IMMT: variants seen among roughly 807,000 people sequenced by gnomAD.
IMMT encodes MICOS complex subunit MIC60.
A neutral mutation model predicts 92.7 loss-of-function variants in IMMT; 40 were observed. The observed-to-expected ratio is 0.43, with a 90% confidence interval of 0.34 to 0.56. The LOEUF is 0.56. IMMT is among the 20% of genes least tolerant of loss of function. The probability of loss-of-function intolerance (pLI) is 0.03; values close to 1 mark genes in which losing one functional copy is unlikely to be tolerated. For missense variants in IMMT, 831 were observed against 912.1 expected, an observed-to-expected ratio of 0.91 and a Z score of 1.14; for synonymous variants, 322 against 336.1, an observed-to-expected ratio of 0.96 and a Z score of 0.46.
chr2:86,156,773 T>A (rs1287068411), intron 10 of IMMT, among the ~76,000 whole-genome samples: 1 of 151,988 alleles, frequency 6.6e-6, no homozygotes, highest in East Asian at 1.9e-4. Flanking sequence ...ACAAATAAAA[T>A]TTGTCCTGCC....
Position 86,144,229 on chromosome 2 carries a change from T to C in IMMT, c.*39A>G, listed in dbSNP as rs1258214307. On this transcript the variant is annotated 3_prime_UTR_variant, in exon 15 of 15. Transcript: ENST00000410111. ...CTTCATCTATCACTGCTGATTTCCT[T>C]TGACATGAAATATGACTTTATGAAA... is the stretch of plus-strand genomic sequence containing the variant. The C allele has an allele frequency of 1.2e-6, 2 of 1,605,422 alleles. No individual in the cohort carries two copies. The highest frequency in any genetic ancestry group is 2.7e-5 in the African/African-American group (2 of 74,684).
chr2:86,156,449 C>G (rs1198536234), intron 10 of IMMT, among the ~76,000 whole-genome samples: 1 of 151,988 alleles, frequency 6.6e-6, no homozygotes, highest in Non-Finnish European at 1.5e-5. Flanking sequence ...AAAAAATTAG[C>G]TGGGTGTGGT....
intron 1 of IMMT, 27 bp downstream of exon 1, chr2:86,195,311 C>CG (rs1372464931): frequency 2.4e-5 from 36 of 1,530,136 alleles, no homozygotes; most frequent in Non-Finnish European, 3.0e-5. Flanking sequence ...AGCCTCCTCA[C>CG]GCGCCTCCGG....
At chr2:86,146,645 G>A (rs1206510557) in intron 13 of IMMT, among the ~76,000 whole-genome samples, 1 of 151,984 alleles carries the variant, frequency 6.6e-6, no homozygotes, top group Non-Finnish European at 1.5e-5. Flanking sequence ...TTACAGGCGT[G>A]AGCCACCGTG....
At chr2:86,181,876 A>G (rs1277757746) in intron 1 of IMMT, among the ~76,000 whole-genome samples, 2 of 152,112 alleles carry the variant, frequency 1.3e-5, no homozygotes, top group African/African-American at 4.8e-5. Flanking sequence ...CAGCTGGTCA[A>G]CTCCTAGAGG....
intron 14 of IMMT, 47 bp downstream of exon 14, chr2:86,146,021 T>G: frequency 7.1e-7 from 1 of 1,409,426 alleles, no homozygotes. Flanking sequence ...TTTTGATAAA[T>G]TATGCTGAGG....
chr2:86,154,176 CTT>C (rs564650860), intron 10 of IMMT, among the ~76,000 whole-genome samples: 3 of 136,092 alleles, frequency 2.2e-5, no homozygotes, highest in African/African-American at 5.5e-5. Flanking sequence ...CTAAACATTT[CTT>C]TTTTTTTTTT....
At chr2:86,176,380 G>A (rs1677427830) in intron 3 of IMMT, among the ~76,000 whole-genome samples, 1 of 152,206 alleles carries the variant, frequency 6.6e-6, no homozygotes, top group Admixed American at 6.5e-5. Context: ...ATTCTGTTAG[G>A]AGGAGAGATC....
At chr2:86,148,528 C>T (rs537148219) in intron 12 of IMMT, among the ~76,000 whole-genome samples, 91 of 152,238 alleles carry the variant, frequency 6.0e-4, no homozygotes, top group Middle Eastern at 3.4e-3. Flanking sequence ...AGGAGAATGG[C>T]GTGAACCGAG....
At position 86,162,021 on chromosome 2, in the gene IMMT, C is replaced by T. The variant is rs200201554; in HGVS notation, c.851G>A (p.Arg284His). 4.0e-5 allele frequency: 64 copies of T among 1,607,028 alleles called. No homozygotes were observed. Among genetic ancestry groups the T allele is most frequent in the Non-Finnish European group, 4.8e-5 (57 of 1,176,748 alleles). Residue 284 changes from arginine to histidine, a missense_variant, in exon 8 of 15, where the codon CGC becomes CAC. Coordinates refer to ENST00000410111, the MANE Select transcript of IMMT (RefSeq NM_006839.3). The part of the protein sequence containing the change: ...WRTVEGALKE[R>H]RKAVDEAADA... The stretch of plus-strand genomic sequence containing the variant: ...GGCAGCTTCATCTACTGCCTTTCTG[C>T]GTTCCTTCAATGCACCCTCCACTGT...
At chr2:86,187,819 G>A (rs921856106) in intron 1 of IMMT, among the ~76,000 whole-genome samples, 2 of 151,712 alleles carry the variant, frequency 1.3e-5, no homozygotes, top group Non-Finnish European at 2.9e-5. Flanking sequence ...GGCTGAAGCA[G>A]GAGAATCCCT....
chr2:86,154,889 G>C (rs535602696), intron 10 of IMMT, among the ~76,000 whole-genome samples: 1 of 151,532 alleles, frequency 6.6e-6, no homozygotes, highest in African/African-American at 2.4e-5. Flanking sequence ...TTTTTGAGAC[G>C]GAGTCTCCCG....
chr2:86,144,618 G>A lies in IMMT; in HGVS notation c.1927C>T (p.Arg643Ter), dbSNP rs780979464. The change falls in exon 15 of 15, where the codon CGA (arginine) becomes TGA (stop). Residue 643 changes from arginine (R) to a stop codon, truncating the protein, a stop_gained. Transcript: ENST00000410111. LOFTEE classifies it high-confidence loss of function. ...ARFYAVQKLA[R>*]RVAMIDETRN... ...GTTTCATCAATCATTGCTACCCTTC[G>A]GGCCAGTTTTTGAACAGCATAGAAA... The A allele has an allele frequency of 2.5e-6, 4 of 1,613,940 alleles. No homozygotes were observed. The highest frequency in any genetic ancestry group is 3.3e-5 in the Admixed American group (2 of 60,020).
In IMMT at chr2:86,171,859, T is replaced by C. The variant is rs1558829845; in HGVS notation, c.422-514A>G. 5.3e-5 allele frequency among the ~76,000 whole-genome samples: 6 copies of C among 113,620 alleles called. No homozygotes were observed. In the South Asian group the frequency reaches 8.0e-4, roughly 15 times the overall value. The allele number at this position is 113,620 out of a possible 152,430, so 74.5% of individuals were successfully genotyped here. A position where few individuals can be genotyped will look rare whatever the true frequency, so the allele number is the denominator to read the frequency against. On this transcript the variant is annotated intron_variant, in intron 4 of 14. Coordinates refer to ENST00000410111, the MANE Select transcript of IMMT (RefSeq NM_006839.3). ...CTGAGTTAAAATACATATATATATA[T>C]ATATTTTTTGCACACTTTGGGAGGC...
intron 11 of IMMT, among the ~76,000 whole-genome samples, chr2:86,152,452 AAAAAAAG>A (rs1675528996): frequency 1.3e-5 from 2 of 151,048 alleles, no homozygotes; most frequent in Non-Finnish European, 3.0e-5. Flanking sequence ...AAAAAAAAAA[AAAAAAAG>A]AGAGAATTAT....
chr2:86,190,745 T>A (rs1673062791), intron 1 of IMMT, among the ~76,000 whole-genome samples: 1 of 152,204 alleles, frequency 6.6e-6, no homozygotes. Context: ...ATCCCAGCAC[T>A]TTGGGAGCCC....
chr2:86,172,382 C>A (rs1431376894), intron 4 of IMMT, among the ~76,000 whole-genome samples: 1 of 151,836 alleles, frequency 6.6e-6, no homozygotes, highest in African/African-American at 2.4e-5. Context: ...CTTGCCCTGT[C>A]ACCCAGGCTG....
chr2:86,184,150 T>C (rs1011478873), intron 1 of IMMT, among the ~76,000 whole-genome samples: 3 of 152,104 alleles, frequency 2.0e-5, no homozygotes, highest in East Asian at 3.9e-4. Flanking sequence ...AATACAGAAA[T>C]AGAGTGTTTC....
At position 86,159,680 on chromosome 2, in the gene IMMT, CAACAA is replaced by C; in HGVS notation, c.897-14_897-10del. ...TCTTCTCTAACTCTTCTCTGGAAACCAACAAAACAAAGATTTAATATAACTTCTTG... is the reference window on the plus strand; with the variant it reads ...TCTTCTCTAACTCTTCTCTGGAAACCAACAAAGATTTAATATAACTTCTTG... On this transcript the variant is annotated splice_polypyrimidine_tract_variant and intron_variant, in intron 8 of 14. Transcript: ENST00000410111. The C allele has an allele frequency of 6.5e-7, 1 of 1,538,020 alleles. No homozygotes were observed. Among genetic ancestry groups the C allele is most frequent in the Admixed American group, 2.2e-5 (1 of 44,508 alleles).
Sources: allele counts gnomAD v4.1 joint callset (sites outside exome capture counted in the v4.1 genomes callset), GRCh38; gene constraint gnomAD v4.1.1; transcripts MANE v1.5; gene names NCBI Gene and HGNC (gene_info 2026-07-23, HGNC 2026-07-21).